The following EIF2B3 variants were observed in gnomAD, a reference collection of about 807,000 sequenced individuals.
The protein encoded by EIF2B3 is eukaryotic translation initiation factor 2B subunit gamma.
Under a neutral mutation model 54.1 loss-of-function variants are expected in EIF2B3, and 20 were observed. That is an observed-to-expected ratio of 0.37 (90% CI 0.26 to 0.54). The LOEUF is 0.54. Among genes scored for constraint, EIF2B3 ranks in the 20% least tolerant of loss-of-function variants. The pLI is 0.86. For missense variants in EIF2B3, 448 were observed against 547.8 expected (o/e 0.82, Z 1.82); for synonymous variants, 153 against 188.1 (o/e 0.81, Z 1.52).
intron 8 of EIF2B3, among the ~76,000 whole-genome samples, chr1:44,876,202 C>T (rs1655132621): frequency 6.6e-6 from 1 of 151,408 alleles, no homozygotes; most frequent in South Asian, 2.1e-4. Flanking sequence ...CCGGCCGCCA[C>T]ACCGTCTGGG....
intron 10 of EIF2B3, among the ~76,000 whole-genome samples, chr1:44,858,071 T>TTC (rs5773855): frequency 1.7e-5 from 1 of 57,742 alleles, no homozygotes; most frequent in Admixed American, 2.3e-4. Flanking sequence ...CTTCAGTTCC[T>TTC]TTTTTTTTTT....
At chr1:44,867,365 G>A (rs1052557516) in intron 10 of EIF2B3, among the ~76,000 whole-genome samples, 21 of 152,048 alleles carry the variant, frequency 1.4e-4, no homozygotes, top group African/African-American at 5.1e-4. Flanking sequence ...TGAGAAAGAT[G>A]GGCAGGAGCT....
intron 3 of EIF2B3, among the ~76,000 whole-genome samples, chr1:44,977,796 T>C (rs2148963994): frequency 6.6e-6 from 1 of 152,322 alleles, no homozygotes; most frequent in East Asian, 1.9e-4. Context: ...AATAAAAATG[T>C]GCTATTACTC....
chr1:44,984,996 C>A (rs942026170), intron 1 of EIF2B3, among the ~76,000 whole-genome samples: 1 of 150,134 alleles, frequency 6.7e-6, no homozygotes, highest in Admixed American at 6.7e-5. Flanking sequence ...TTAGTAGAGA[C>A]GGGGTTTCAC....
chr1:44,876,240 C>T (rs1655134555), intron 8 of EIF2B3, among the ~76,000 whole-genome samples: 1 of 151,338 alleles, frequency 6.6e-6, no homozygotes, highest in East Asian at 2.0e-4. Flanking sequence ...GCCTGGCCGC[C>T]ATCCCATCTA....
intron 4 of EIF2B3, among the ~76,000 whole-genome samples, chr1:44,936,581 ACT>A (rs1212739841): frequency 5.9e-5 from 9 of 151,898 alleles, no homozygotes; most frequent in Admixed American, 6.6e-5. Flanking sequence ...ACAGAATGAG[ACT>A]CTGTCTCAAA....
At chr1:44,931,305 C>G (rs1490860867) in intron 4 of EIF2B3, among the ~76,000 whole-genome samples, 3 of 152,204 alleles carry the variant, frequency 2.0e-5, no homozygotes, top group Non-Finnish European at 4.4e-5. Context: ...AAGCTTGGAA[C>G]CAAATCCCTT....
At chr1:44,919,000 A>G (rs1402070915) in intron 5 of EIF2B3, among the ~76,000 whole-genome samples, 1 of 152,200 alleles carries the variant, frequency 6.6e-6, no homozygotes, top group Non-Finnish European at 1.5e-5. Context: ...CAAAGTAATT[A>G]AATCATAATT....
At chr1:44,976,351 C>T (rs1644453084) in intron 3 of EIF2B3, among the ~76,000 whole-genome samples, 1 of 152,170 alleles carries the variant, frequency 6.6e-6, no homozygotes, top group African/African-American at 2.4e-5. Flanking sequence ...AAAAGGTGTT[C>T]AGCATCATTA....
intron 6 of EIF2B3, among the ~76,000 whole-genome samples, chr1:44,889,890 AGAG>A (rs757212717): frequency 1.6e-4 from 24 of 152,234 alleles, no homozygotes; most frequent in Non-Finnish European, 3.5e-4. Context: ...TGTGAAAAAC[AGAG>A]GAGATGTCAC....
At chr1:44,854,238 A>G (rs1654369609) in intron 11 of EIF2B3, among the ~76,000 whole-genome samples, 2 of 151,940 alleles carry the variant, frequency 1.3e-5, no homozygotes, top group South Asian at 4.2e-4. Context: ...CTTGACCTCA[A>G]GTGATCCACT....
intron 6 of EIF2B3, among the ~76,000 whole-genome samples, chr1:44,889,638 C>A (rs116514751): frequency 6.6e-6 from 1 of 151,728 alleles, no homozygotes; most frequent in Non-Finnish European, 1.5e-5. Flanking sequence ...TTTGTTCCAG[C>A]GATTCTCAGC....
chr1:44,897,329 T>C (rs768301342), intron 6 of EIF2B3, 26 bp downstream of exon 6: 1 of 1,560,144 alleles, frequency 6.4e-7, no homozygotes, highest in East Asian at 2.2e-5. Flanking sequence ...GTACTGTAGG[T>C]TTGACTCTAC....
intron 3 of EIF2B3, among the ~76,000 whole-genome samples, chr1:44,947,782 A>G (rs919728203): frequency 3.3e-5 from 5 of 152,158 alleles, no homozygotes; most frequent in African/African-American, 1.2e-4. Context: ...GAATTCAGCT[A>G]CTTGGTGTGA....
intron 5 of EIF2B3, 104 bp from the exon 6 acceptor site, chr1:44,897,548 G>T (rs987304195): frequency 7.8e-6 from 7 of 899,950 alleles, no homozygotes; most frequent in African/African-American, 5.0e-5. Flanking sequence ...GTTTATGAGG[G>T]TCAGAGGCAT....
In EIF2B3 at chr1:44,978,189, C is replaced by T. The variant is rs113193339; in HGVS notation, c.294+126G>A. 1,156 of 1,069,726 alleles carry T rather than the reference C, an allele frequency of 1.1e-3. 4 individuals are homozygous for T. The African/African-American group carries it at 0.016, about 15-fold the overall frequency. 66.3% of individuals were successfully genotyped at this position (1,069,726 alleles called of 1,614,324 possible). ...GAGGTTGCAGTGAATTGAGATCACA[C>T]TACTGCACTCCGGCCTAGGTGACAG... is the stretch of plus-strand genomic sequence containing the variant. On this transcript the variant is annotated intron_variant, in intron 3 of 11. Coordinates refer to ENST00000360403, the MANE Select transcript of EIF2B3 (RefSeq NM_020365.5).
At chr1:44,964,557 A>T (rs60253555) in intron 3 of EIF2B3, among the ~76,000 whole-genome samples, 2 of 152,228 alleles carry the variant, frequency 1.3e-5, no homozygotes, top group Non-Finnish European at 2.9e-5. Context: ...TGTCTCCAGC[A>T]TGGGGATTTC....
chr1:44,885,305 T>A (rs540405963), intron 6 of EIF2B3, among the ~76,000 whole-genome samples: 50 of 152,134 alleles, frequency 3.3e-4, no homozygotes, highest in Middle Eastern at 6.8e-3. Context: ...AATAAACAGA[T>A]ATGTGTTAAA....
chr1:44,901,758 G>C (rs950328431), intron 5 of EIF2B3, among the ~76,000 whole-genome samples: 1 of 151,582 alleles, frequency 6.6e-6, no homozygotes, highest in Non-Finnish European at 1.5e-5. Flanking sequence ...GACGGGTTTT[G>C]CCATGTTCCC....
Sources: allele counts gnomAD v4.1 joint callset (sites outside exome capture counted in the v4.1 genomes callset), GRCh38; gene constraint gnomAD v4.1.1; transcripts MANE v1.5; gene names NCBI Gene and HGNC (gene_info 2026-07-23, HGNC 2026-07-21).